The following AFF3 variants were observed in gnomAD, a reference collection of about 807,000 sequenced individuals.
AFF3 encodes AF4/FMR2 family member 3.
In AFF3, 32 loss-of-function variants were observed where a neutral mutation model predicts 129.7. That is an observed-to-expected ratio of 0.25 (90% CI 0.19 to 0.33). AFF3 has a LOEUF of 0.33. Among genes scored for constraint, AFF3 ranks in the 10% least tolerant of loss-of-function variants. The pLI, the probability that AFF3 is intolerant of heterozygous loss-of-function variation, is 1.00. For synonymous variants in AFF3, 644 were observed against 635.4 expected (o/e 1.01, Z -0.20); for missense variants, 1,373 against 1,592.0 (o/e 0.86, Z 2.34).
intron 9 of AFF3, among the ~76,000 whole-genome samples, chr2:99,751,070 C>T (rs4850914): frequency 0.73 from 111,026 of 152,118 alleles, 41,629 homozygotes; most frequent in East Asian, 0.92. Flanking sequence ...CCTTAGAAAG[C>T]GGTGATATTG....
At chr2:99,759,591 A>G (rs371329770) in intron 8 of AFF3, among the ~76,000 whole-genome samples, 12 of 152,336 alleles carry the variant, frequency 7.9e-5, no homozygotes, top group African/African-American at 2.6e-4. Context: ...TGATTTTTCC[A>G]TCTAACAAAT....
chr2:100,009,041 G>C, intron 4 of AFF3, 109 bp from the exon 5 acceptor site: 1 of 1,415,152 alleles, frequency 7.1e-7, no homozygotes. Flanking sequence ...AAATGGTGAT[G>C]ACAACAAGAA....
chr2:100,021,008 CTA>C (rs1248757348), intron 4 of AFF3, among the ~76,000 whole-genome samples: 3 of 152,184 alleles, frequency 2.0e-5, no homozygotes, highest in East Asian at 3.9e-4. Context: ...TTCCCAGTTT[CTA>C]TGTTATGGCT....
At chr2:100,042,477 C>T (rs947942140) in intron 4 of AFF3, among the ~76,000 whole-genome samples, 2 of 152,200 alleles carry the variant, frequency 1.3e-5, no homozygotes, top group East Asian at 1.9e-4. Flanking sequence ...ACAATAGATC[C>T]ACCACAAGCA....
intron 7 of AFF3, among the ~76,000 whole-genome samples, chr2:99,852,522 C>T (rs148626317): frequency 5.3e-4 from 80 of 152,248 alleles, no homozygotes; most frequent in African/African-American, 1.9e-3. Context: ...TAGAAAGTCA[C>T]TGATTAATAA....
intron 2 of AFF3, among the ~76,000 whole-genome samples, chr2:100,120,893 C>T (rs1172667600): frequency 1.3e-5 from 2 of 152,176 alleles, no homozygotes. Context: ...CTGCCTCAGT[C>T]TCCATGAGTA....
At chr2:99,967,370 G>T (rs1677883139) in intron 7 of AFF3, among the ~76,000 whole-genome samples, 1 of 151,500 alleles carries the variant, frequency 6.6e-6, no homozygotes, top group Non-Finnish European at 1.5e-5. Context: ...GCCAGTTCTA[G>T]GCTTCCAATG....
intron 10 of AFF3, among the ~76,000 whole-genome samples, chr2:99,739,013 A>AT (rs55856427): frequency 0.035 from 4,896 of 138,322 alleles, 125 homozygotes; most frequent in African/African-American, 0.053. Flanking sequence ...GAACTGTTCA[A>AT]TTTTTTTTTT....
At position 99,807,114 on chromosome 2, in the gene AFF3, A is replaced by C. The variant is rs546561013; in HGVS notation, c.921+30363T>G. Reference sequence around the variant, plus strand: ...GGCTATCCCTTGCATTCATCAACAGATACCGAGAGAAAGTTGCTGTTCCCA... The same window carrying C: ...GGCTATCCCTTGCATTCATCAACAGCTACCGAGAGAAAGTTGCTGTTCCCA... On this transcript the variant is annotated intron_variant, in intron 8 of 24. Coordinates refer to ENST00000672756, the MANE Select transcript of AFF3 (RefSeq NM_001386135.1). 1.2e-4 allele frequency among the ~76,000 whole-genome samples: 18 copies of C among 152,290 alleles called. 2 individuals carry two copies. The South Asian group carries it at 3.5e-3, about 30-fold the overall frequency.
At chr2:99,804,824 C>T (rs773004640) in intron 8 of AFF3, among the ~76,000 whole-genome samples, 1 of 152,062 alleles carries the variant, frequency 6.6e-6, no homozygotes, top group Non-Finnish European at 1.5e-5. Context: ...AGTGAAGTGG[C>T]TCAGGAATGG....
intron 4 of AFF3, among the ~76,000 whole-genome samples, chr2:100,044,538 T>C (rs528390514): frequency 2.0e-4 from 31 of 152,172 alleles, no homozygotes; most frequent in Admixed American, 5.9e-4. Flanking sequence ...CCCACTGCAG[T>C]AGCCAACAGC....
chr2:99,640,981 T>C (rs963390084), intron 13 of AFF3, among the ~76,000 whole-genome samples: 5 of 152,122 alleles, frequency 3.3e-5, no homozygotes, highest in African/African-American at 1.2e-4. Flanking sequence ...CTGGCAGCTG[T>C]CTAGAGCTGG....
intron 11 of AFF3, among the ~76,000 whole-genome samples, chr2:99,715,105 G>A (rs540157912): frequency 3.3e-5 from 5 of 152,324 alleles, no homozygotes; most frequent in East Asian, 1.9e-4. Context: ...AAAGCCACAC[G>A]CTTCTTGCTG....
intron 7 of AFF3, among the ~76,000 whole-genome samples, chr2:99,903,392 GAAATAA>G (rs1307180734): frequency 6.6e-6 from 1 of 152,106 alleles, no homozygotes; most frequent in Non-Finnish European, 1.5e-5. Context: ...AGTACAGGAA[GAAATAA>G]TAAGTGAATA....
intron 11 of AFF3, among the ~76,000 whole-genome samples, chr2:99,716,069 C>T (rs947208970): frequency 6.6e-6 from 1 of 152,110 alleles, no homozygotes; most frequent in Admixed American, 6.5e-5. Flanking sequence ...TGTCTACAAG[C>T]CTGTGTAATT....
rs755027582 is a variant in AFF3 at position 99,587,161 on chromosome 2, T to C, written c.2584A>G (p.Ile862Val). 1.2e-6 allele frequency: 2 copies of C among 1,614,052 alleles called. No homozygotes were observed. Among genetic ancestry groups the C allele is most frequent in the Non-Finnish European group, 1.7e-6 (2 of 1,180,044 alleles). ...TLSANHCNMN[I>V]NSVAIPINKN... is the part of the protein sequence containing the mutation. ...TGGAGGGAATGCACGTACCTGTTGA[T>C]GTTCATGTTGCAGTGGTTTGCAGAC... Residue 862 changes from isoleucine to valine, a missense_variant, in exon 16 of 25, where the codon ATC (isoleucine) becomes GTC (valine). Around this residue, in one of 9 missense-constraint regions of AFF3, gnomAD observed 466 missense variants for 505.0 expected, o/e 0.92. Transcript: ENST00000672756.
At chr2:100,005,272 C>T (rs921032344) in intron 7 of AFF3, among the ~76,000 whole-genome samples, 2 of 152,144 alleles carry the variant, frequency 1.3e-5, no homozygotes, top group African/African-American at 4.8e-5. Flanking sequence ...GTTTTATGAA[C>T]TCACTGAATT....
chr2:99,643,812 G>C (rs1684441240), intron 13 of AFF3, among the ~76,000 whole-genome samples: 1 of 152,188 alleles, frequency 6.6e-6, no homozygotes, highest in Non-Finnish European at 1.5e-5. Context: ...TACCTACATG[G>C]AGGTGAAACT....
Position 99,545,489 on chromosome 2 carries a change from C to T in AFF3, c.*5985G>A, listed in dbSNP as rs1421650974. On this transcript the variant is annotated 3_prime_UTR_variant, in exon 25 of 25. Transcript: ENST00000672756. The stretch of plus-strand genomic sequence containing the variant: ...CCTAAACATTGGTGCTATGTTATAT[C>T]ATGTCTAGATCCAAGTATTTCTGGA... 1 of 152,152 alleles carries T rather than the reference C, an allele frequency of 6.6e-6. No individual in the cohort carries two copies. Among genetic ancestry groups the T allele is most frequent in the Non-Finnish European group, 1.5e-5 (1 of 68,036 alleles). 9.4% of individuals were successfully genotyped at this position (152,152 alleles called of 1,614,324 possible). A position where few individuals can be genotyped will look rare whatever the true frequency, so the allele number is the denominator to read the frequency against.
Sources: allele counts gnomAD v4.1 joint callset (sites outside exome capture counted in the v4.1 genomes callset), GRCh38; gene constraint gnomAD v4.1.1; regional missense constraint gnomAD v4.1.1; transcripts MANE v1.5; gene names NCBI Gene and HGNC (gene_info 2026-07-23, HGNC 2026-07-21).